Variants in ZNF341 observed in about 807,000 individuals in gnomAD.
ZNF341 encodes zinc finger protein 341.
A neutral mutation model predicts 87.7 loss-of-function variants in ZNF341; 52 were observed. That is an observed-to-expected ratio of 0.59 (90% CI 0.47 to 0.75). The LOEUF is 0.75. ZNF341 is among the 30% of genes least tolerant of loss of function. ZNF341 has a pLI of 0.00. For missense variants in ZNF341, 977 were observed against 1,145.9 expected, an observed-to-expected ratio of 0.85 and a Z score of 2.13; for synonymous variants, 459 against 472.7, an observed-to-expected ratio of 0.97 and a Z score of 0.38.
At chr20:33,765,379 TA>T (rs1377357585) in intron 8 of ZNF341, among the ~76,000 whole-genome samples, 3 of 151,802 alleles carry the variant, frequency 2.0e-5, no homozygotes, top group Non-Finnish European at 4.4e-5. Context: ...TTTTTTTCTT[TA>T]AAAAAAATTT....
intron 10 of ZNF341, among the ~76,000 whole-genome samples, chr20:33,774,652 T>C (rs2019595123): frequency 6.8e-6 from 1 of 146,382 alleles, no homozygotes; most frequent in Non-Finnish European, 1.5e-5. Flanking sequence ...TGTGGTTTTA[T>C]CACTTAAAAC....
chr20:33,743,132 A>G (rs1015808542), intron 2 of ZNF341, among the ~76,000 whole-genome samples: 3 of 150,432 alleles, frequency 2.0e-5, no homozygotes, highest in South Asian at 2.1e-4. Context: ...CCTGGGTTCA[A>G]GTGATTCTCC....
intron 3 of ZNF341, among the ~76,000 whole-genome samples, chr20:33,747,188 C>T (rs1445583888): frequency 6.6e-6 from 1 of 152,146 alleles, no homozygotes; most frequent in Non-Finnish European, 1.5e-5. Flanking sequence ...TTTCAACTGG[C>T]TTCCTTTTCT....
intron 4 of ZNF341, chr20:33,752,118 C>CCG (rs1491395331): frequency 3.0e-6 from 1 of 329,466 alleles, no homozygotes; most frequent in South Asian, 2.4e-5. Flanking sequence ...GCCCCCCCCC[C>CCG]TTTTTTTTTA....
In ZNF341 at chr20:33,732,387, C is replaced by A. The variant is rs1335571079; in HGVS notation, c.31+335C>A. On this transcript the variant is annotated intron_variant, in intron 1 of 14. Coordinates refer to ENST00000375200, the MANE Select transcript of ZNF341 (RefSeq NM_001282933.2). This position sits in a 1 kb window ranked among gnomAD's most constrained non-coding sequence, Gnocchi z 4.5. ...CGACGGCGGGGCGGTCTGGAACAGCCGCGGCCAGGGAGGCGGCTTGGCGGC... is the reference window on the plus strand; with the variant it reads ...CGACGGCGGGGCGGTCTGGAACAGCAGCGGCCAGGGAGGCGGCTTGGCGGC... Among the ~76,000 whole-genome samples the A allele has an allele frequency of 2.6e-5, 4 of 151,672 alleles. No homozygotes were observed. The highest frequency in any genetic ancestry group is 1.5e-5 in the Non-Finnish European group (1 of 67,864).
chr20:33,748,458 C>A (rs1365873685), intron 3 of ZNF341, among the ~76,000 whole-genome samples: 1 of 152,044 alleles, frequency 6.6e-6, no homozygotes, highest in East Asian at 1.9e-4. Flanking sequence ...TTCTTTCATT[C>A]CGTTTTTGTT....
At chr20:33,749,508 G>T (rs888343969) in intron 4 of ZNF341, among the ~76,000 whole-genome samples, 2 of 152,022 alleles carry the variant, frequency 1.3e-5, no homozygotes, top group African/African-American at 4.8e-5. Context: ...TGTTGATCAG[G>T]CTGATCACGA....
intron 9 of ZNF341, among the ~76,000 whole-genome samples, chr20:33,767,332 G>C (rs1421652773): frequency 6.6e-6 from 1 of 151,602 alleles, no homozygotes; most frequent in Non-Finnish European, 1.5e-5. Context: ...GTGTGGCCTT[G>C]ACCTCTCCTG....
chr20:33,789,632 A>C (rs1043332281), intron 14 of ZNF341, 44 bp downstream of exon 14: 61 of 1,601,482 alleles, frequency 3.8e-5, no homozygotes, highest in Non-Finnish European at 5.1e-5. Context: ...GTTCAGCTCT[A>C]GTTCACTGGG....
chr20:33,770,956 T>C (rs1012451301), intron 10 of ZNF341, among the ~76,000 whole-genome samples: 4 of 151,602 alleles, frequency 2.6e-5, no homozygotes, highest in African/African-American at 7.3e-5. Context: ...CCGTCTCTAC[T>C]AAAAATACAA....
rs1262528835 is a variant in ZNF341 at position 33,769,374 on chromosome 20, GT to G, written c.1414-709del. On this transcript the variant is annotated intron_variant, in intron 9 of 14. Transcript: ENST00000375200. ...CCAGGGAGGGGGTGAAGGGGTGGTG[GT>G]GGGGGGGGGGGCAGTGGGAGGGGTG... Among the ~76,000 whole-genome samples the G allele has an allele frequency of 9.9e-4, 130 of 130,832 alleles. 1 individual carries two copies. Among genetic ancestry groups the G allele is most frequent in the African/African-American group, 4.1e-3 (120 of 29,102 alleles). The allele number at this position is 130,832 out of a possible 152,430, so 85.8% of individuals were successfully genotyped here.
At position 33,741,125 on chromosome 20, in the gene ZNF341, G is replaced by A. The variant is rs1242007416; in HGVS notation, c.142+113G>A. On this transcript the variant is annotated intron_variant, in intron 2 of 14. Coordinates refer to ENST00000375200, the MANE Select transcript of ZNF341 (RefSeq NM_001282933.2). ...ATGCTTGCTGTGGTCCCCAGGACAT[G>A]CTCTGGTGTCTGAACCCTCTCCCCC... The A allele has an allele frequency of 3.0e-6, 3 of 1,010,700 alleles. No individual in the cohort carries two copies. The East Asian group carries it at 7.6e-5, about 26-fold the overall frequency. The allele number at this position is 1,010,700 out of a possible 1,614,324, so 62.6% of individuals were successfully genotyped here. A position where few individuals can be genotyped will look rare whatever the true frequency, so the allele number is the denominator to read the frequency against.
chr20:33,735,254 C>T (rs976452424), intron 1 of ZNF341, among the ~76,000 whole-genome samples: 5 of 152,188 alleles, frequency 3.3e-5, no homozygotes, highest in Admixed American at 2.0e-4. Flanking sequence ...TAGTCTCGAA[C>T]TCTTGACCTC....
intron 10 of ZNF341, 45 bp downstream of exon 10, chr20:33,770,337 G>GT: frequency 9.0e-7 from 1 of 1,109,842 alleles, no homozygotes. Context: ...CGGGTGGGTG[G>GT]GCAGGGAGCC....
intron 2 of ZNF341, among the ~76,000 whole-genome samples, chr20:33,744,406 C>T (rs563373462): frequency 9.2e-5 from 14 of 151,924 alleles, no homozygotes; most frequent in Middle Eastern, 3.4e-3. Context: ...CCTGGCAGGG[C>T]GAACGGTGGA....
rs747195984 is a variant in ZNF341, at chr20:33,771,906, T to C, written c.1622+1614T>C. On this transcript the variant is annotated intron_variant, in intron 10 of 14. Transcript: ENST00000375200. Reference sequence around the variant, plus strand: ...GGCACGCACCCGTAGTCCCAGCTACTCAGGAGGCTGAGATGGTAGGATTGC... The same window carrying C: ...GGCACGCACCCGTAGTCCCAGCTACCCAGGAGGCTGAGATGGTAGGATTGC... Among the ~76,000 whole-genome samples the C allele has an allele frequency of 3.4e-5, 5 of 148,290 alleles. No homozygotes were observed. The South Asian group carries it at 1.1e-3, about 31-fold the overall frequency.
chr20:33,790,118 G>A (rs115226102), intron 14 of ZNF341, among the ~76,000 whole-genome samples: 2,088 of 151,296 alleles, frequency 0.014, 52 homozygotes, highest in African/African-American at 0.048. Context: ...TGTCACCCAG[G>A]TGGAGTGCAG....
At chr20:33,739,721 C>A (rs139854309) in intron 1 of ZNF341, among the ~76,000 whole-genome samples, 160 of 152,272 alleles carry the variant, frequency 1.1e-3, no homozygotes, top group African/African-American at 3.7e-3. Flanking sequence ...CTAGGATTAG[C>A]GTCAGCCATG....
Position 33,758,826 on chromosome 20 carries a change from C to G in ZNF341, c.1028+20C>G. 1.2e-6 allele frequency: 2 copies of G among 1,609,346 alleles called. No homozygotes were observed. Among genetic ancestry groups the G allele is most frequent in the Non-Finnish European group, 1.7e-6 (2 of 1,176,358 alleles). ...CCGAAGGTACACATGCGTGGTGAGG[C>G]AGGTGGCTCCTGGGCAGGTGTGGCT... is the stretch of plus-strand genomic sequence containing the variant. On this transcript the variant is annotated intron_variant, in intron 7 of 14. Transcript: ENST00000375200.
Sources: allele counts gnomAD v4.1 joint callset (sites outside exome capture counted in the v4.1 genomes callset), GRCh38; gene constraint gnomAD v4.1.1; non-coding constraint Gnocchi (gnomAD v3.1); transcripts MANE v1.5; gene names NCBI Gene and HGNC (gene_info 2026-07-23, HGNC 2026-07-21).